Variants in KIAA1958 observed in about 807,000 individuals in gnomAD.
The protein encoded by KIAA1958 is KIAA1958.
A neutral mutation model predicts 47.2 loss-of-function variants in KIAA1958; 14 were observed. The observed-to-expected ratio is 0.30, with a 90% confidence interval of 0.20 to 0.46. The LOEUF (loss-of-function observed/expected upper bound fraction) is 0.46, where lower values mean the gene tolerates loss of function less well. Ranked by LOEUF, KIAA1958 falls within the 20% of genes least tolerant of loss-of-function variation. The pLI, the probability that KIAA1958 is intolerant of heterozygous loss-of-function variation, is 1.00. For missense variants in KIAA1958, 803 were observed against 909.2 expected, an observed-to-expected ratio of 0.88 and a Z score of 1.50; for synonymous variants, 354 against 353.3, an observed-to-expected ratio of 1.00 and a Z score of -0.02.
intron 1 of KIAA1958, among the ~76,000 whole-genome samples, chr9:112,492,916 C>CTT (rs60299333): frequency 0.035 from 3,966 of 114,118 alleles, 266 homozygotes; most frequent in African/African-American, 0.072. Context: ...GCCCAGCTCA[C>CTT]TTTTTTTTTT....
chr9:112,641,001 C>T (rs1179127939), intron 2 of KIAA1958, among the ~76,000 whole-genome samples: 1 of 151,936 alleles, frequency 6.6e-6, no homozygotes, highest in Non-Finnish European at 1.5e-5. Flanking sequence ...AAAAAAAAAC[C>T]TTCAATGAGA....
chr9:112,504,147 A>G (rs1053028004), intron 1 of KIAA1958, among the ~76,000 whole-genome samples: 2 of 151,676 alleles, frequency 1.3e-5, no homozygotes, highest in Non-Finnish European at 2.9e-5. Flanking sequence ...ATTATGTATT[A>G]ATCTTTCAGG....
At chr9:112,532,164 G>C (rs1192903740) in intron 1 of KIAA1958, among the ~76,000 whole-genome samples, 1 of 152,224 alleles carries the variant, frequency 6.6e-6, no homozygotes, top group Non-Finnish European at 1.5e-5. Context: ...GGAAGTTGCA[G>C]AGTAGCTTTT....
intron 1 of KIAA1958, among the ~76,000 whole-genome samples, chr9:112,490,742 GC>G (rs1833954087): frequency 6.6e-6 from 1 of 152,162 alleles, no homozygotes; most frequent in South Asian, 2.1e-4. Flanking sequence ...AGTTTGTTTT[GC>G]AAAGTCTTAC....
At chr9:112,498,528 T>C (rs1433267996) in intron 1 of KIAA1958, among the ~76,000 whole-genome samples, 1 of 151,824 alleles carries the variant, frequency 6.6e-6, no homozygotes, top group African/African-American at 2.4e-5. Flanking sequence ...AAATCTTGTT[T>C]AAACAGCCTT....
chr9:112,547,395 A>G (rs1166832730), intron 1 of KIAA1958, among the ~76,000 whole-genome samples: 3 of 151,566 alleles, frequency 2.0e-5, no homozygotes, highest in African/African-American at 7.3e-5. Flanking sequence ...AAAAAAAAAA[A>G]AAAAAATTCT....
intron 2 of KIAA1958, among the ~76,000 whole-genome samples, chr9:112,630,504 T>A (rs1444171355): frequency 1.3e-5 from 2 of 152,332 alleles, no homozygotes; most frequent in African/African-American, 4.8e-5. Context: ...AAAAATTTTT[T>A]AAATTATACC....
At chr9:112,587,733 T>A (rs1242538689) in intron 2 of KIAA1958, among the ~76,000 whole-genome samples, 3 of 152,190 alleles carry the variant, frequency 2.0e-5, no homozygotes, top group African/African-American at 4.8e-5. Flanking sequence ...AATACATATA[T>A]ATGGCAATCA....
At chr9:112,575,350 A>G (rs1835627968) in intron 2 of KIAA1958, 99 bp downstream of exon 2, 1 of 774,362 alleles carries the variant, frequency 1.3e-6, no homozygotes, top group Non-Finnish European at 2.0e-6. Context: ...GCTAGAATTC[A>G]GTCCTTTGTT....
intron 1 of KIAA1958, among the ~76,000 whole-genome samples, chr9:112,528,809 G>A (rs1310960993): frequency 6.6e-6 from 1 of 152,290 alleles, no homozygotes; most frequent in East Asian, 1.9e-4. Context: ...GTGAGCTACC[G>A]CACTCGGCCT....
At chr9:112,577,843 A>G (rs532324974) in intron 2 of KIAA1958, among the ~76,000 whole-genome samples, 1 of 151,402 alleles carries the variant, frequency 6.6e-6, no homozygotes, top group African/African-American at 2.4e-5. Flanking sequence ...TTCTTCCCTC[A>G]TGGAAATTGC....
chr9:112,570,710 A>G (rs1192552499), intron 1 of KIAA1958, among the ~76,000 whole-genome samples: 1 of 152,222 alleles, frequency 6.6e-6, no homozygotes, highest in African/African-American at 2.4e-5. Context: ...GATTCTCCAG[A>G]GAGACAGAAC....
chr9:112,593,065 A>T (rs1049245898), intron 2 of KIAA1958, among the ~76,000 whole-genome samples: 1 of 152,240 alleles, frequency 6.6e-6, no homozygotes, highest in Non-Finnish European at 1.5e-5. Context: ...GAATTGAAAG[A>T]GTTTTGAGGT....
intron 1 of KIAA1958, among the ~76,000 whole-genome samples, chr9:112,547,222 C>T (rs759339769): frequency 1.2e-4 from 9 of 75,850 alleles, no homozygotes; most frequent in Non-Finnish European, 2.0e-4. Context: ...ACTAAAAATA[C>T]CAAAAAATTA....
intron 1 of KIAA1958, among the ~76,000 whole-genome samples, chr9:112,555,720 T>G (rs1452675921): frequency 6.6e-6 from 1 of 152,196 alleles, no homozygotes; most frequent in Non-Finnish European, 1.5e-5. Context: ...TCCAGCTCTT[T>G]TGTAAGGCAC....
rs1286969046 is a variant in KIAA1958 at position 112,656,507 on chromosome 9, A to T, written c.1345-2756A>T. On this transcript the variant is annotated intron_variant, in intron 3 of 3. Transcript: ENST00000337530. ...CCATGCCCTCGCTGTGGGTGGTACT[A>T]ATGTGCATACATTCTATTTAACCTA... Among the ~76,000 whole-genome samples the T allele has an allele frequency of 2.0e-5, 3 of 152,236 alleles. No homozygotes were observed. In the East Asian group the frequency reaches 5.8e-4, roughly 29 times the overall value.
chr9:112,566,330 C>T (rs1229149854), intron 1 of KIAA1958, among the ~76,000 whole-genome samples: 3 of 152,038 alleles, frequency 2.0e-5, no homozygotes, highest in Non-Finnish European at 4.4e-5. Context: ...GCTATGAGGG[C>T]CTTCAGCAAA....
In KIAA1958 at chr9:112,618,520, C is replaced by T. The variant is rs183790667; in HGVS notation, c.1172-27130C>T. On this transcript the variant is annotated intron_variant, in intron 2 of 3. Transcript: ENST00000337530. This position sits in a 1 kb window ranked among gnomAD's most constrained non-coding sequence, Gnocchi z 7.1. ...GGGGGACAGACTCCCGTGTGTATGC[C>T]ACCCAGCACGCCCCACAGACCTGCC... The T allele has an allele frequency of 1.7e-4, 257 of 1,550,700 alleles. No individual in the cohort carries two copies. In the African/African-American group the frequency reaches 3.3e-3, roughly 20 times the overall value.
intron 2 of KIAA1958, among the ~76,000 whole-genome samples, chr9:112,581,019 C>G (rs1194045475): frequency 6.6e-6 from 1 of 152,170 alleles, no homozygotes; most frequent in Non-Finnish European, 1.5e-5. Context: ...AGAGTGGAGC[C>G]TGGCCACCCG....
Sources: allele counts gnomAD v4.1 joint callset (sites outside exome capture counted in the v4.1 genomes callset), GRCh38; gene constraint gnomAD v4.1.1; non-coding constraint Gnocchi (gnomAD v3.1); transcripts MANE v1.5; gene names NCBI Gene and HGNC (gene_info 2026-07-23, HGNC 2026-07-21).